The following RBFOX1 variants were observed in gnomAD, a reference collection of about 807,000 sequenced individuals.
RBFOX1 encodes RNA binding fox-1 homolog 1, also known as RNA binding protein fox-1 homolog 1.
In RBFOX1, 8 loss-of-function variants were observed where a neutral mutation model predicts 57.7. The ratio of observed to expected loss-of-function variants is 0.14; its 90% CI spans 0.08 to 0.25. RBFOX1 has a LOEUF of 0.25. Ranked by LOEUF, RBFOX1 falls within the 10% of genes least tolerant of loss-of-function variation. The pLI is 1.00. For synonymous variants in RBFOX1, 326 were observed against 222.4 expected (o/e 1.47, Z -4.15); for missense variants, 611 against 548.5 (o/e 1.11, Z -1.14).
chr16:5,773,629 C>T (rs926744350), intron 3 of RBFOX1, among the ~76,000 whole-genome samples: 3 of 152,174 alleles, frequency 2.0e-5, no homozygotes, highest in South Asian at 2.1e-4. Flanking sequence ...TTTTTATGCA[C>T]GTGAGCAAGA....
intron 2 of RBFOX1, among the ~76,000 whole-genome samples, chr16:6,399,825 A>T (rs984022900): frequency 2.6e-5 from 4 of 152,230 alleles, no homozygotes; most frequent in Non-Finnish European, 5.9e-5. Context: ...AGGCCTCAGG[A>T]AAGTTACAGT....
chr16:5,819,872 A>C (rs929474814), intron 3 of RBFOX1, among the ~76,000 whole-genome samples: 2 of 152,220 alleles, frequency 1.3e-5, no homozygotes, highest in Admixed American at 1.3e-4. Flanking sequence ...TTGTACCTCA[A>C]GTGCCCTGTC....
At chr16:7,573,051 A>G (rs1301285163) in intron 5 of RBFOX1, among the ~76,000 whole-genome samples, 1 of 152,174 alleles carries the variant, frequency 6.6e-6, no homozygotes, top group African/African-American at 2.4e-5. Context: ...TATGCTGTGA[A>G]GAAATCAGTG....
chr16:7,521,075 G>C (rs777252361), intron 5 of RBFOX1, among the ~76,000 whole-genome samples: 71 of 141,562 alleles, frequency 5.0e-4, no homozygotes, highest in Non-Finnish European at 9.2e-4. Context: ...AATTAAAAAA[G>C]AACAGAGGTG....
intron 2 of RBFOX1, among the ~76,000 whole-genome samples, chr16:6,356,850 G>T (rs573401695): frequency 6.6e-6 from 1 of 152,294 alleles, no homozygotes; most frequent in East Asian, 1.9e-4. Flanking sequence ...GAAAGTGAGT[G>T]TGGATATGTG....
chr16:7,311,916 G>C (rs575650149), intron 4 of RBFOX1, among the ~76,000 whole-genome samples: 1 of 152,326 alleles, frequency 6.6e-6, no homozygotes, highest in African/African-American at 2.4e-5. Flanking sequence ...CAGCTGAATT[G>C]AGCAAGATAG....
intron 9 of RBFOX1, among the ~76,000 whole-genome samples, chr16:7,601,999 C>A (rs960766752): frequency 3.9e-5 from 6 of 152,126 alleles, no homozygotes; most frequent in Non-Finnish European, 8.8e-5. Flanking sequence ...CTCTGACATC[C>A]TTAGTATATG....
chr16:7,547,308 T>C (rs1443108937), intron 5 of RBFOX1, among the ~76,000 whole-genome samples: 6 of 152,226 alleles, frequency 3.9e-5, no homozygotes, highest in African/African-American at 1.4e-4. Context: ...TGTGATGACT[T>C]ACAAAGTCTG....
chr16:6,868,012 C>G (rs2060234205), intron 3 of RBFOX1, among the ~76,000 whole-genome samples: 1 of 152,132 alleles, frequency 6.6e-6, no homozygotes, highest in Non-Finnish European at 1.5e-5. Context: ...GCTGAAACTA[C>G]TATACTTCAG....
At chr16:6,223,175 C>A (rs1454003546) in intron 1 of RBFOX1, among the ~76,000 whole-genome samples, 1 of 150,562 alleles carries the variant, frequency 6.6e-6, no homozygotes, top group Non-Finnish European at 1.5e-5. Context: ...GTGCATGTGT[C>A]TTTATAGCAG....
chr16:6,603,004 AAG>A (rs2097873889), intron 2 of RBFOX1, among the ~76,000 whole-genome samples: 1 of 152,220 alleles, frequency 6.6e-6, no homozygotes, highest in African/African-American at 2.4e-5. Flanking sequence ...CCCAAGGAAA[AAG>A]AAGTTTCCCA....
intron 2 of RBFOX1, among the ~76,000 whole-genome samples, chr16:6,372,825 G>A (rs1338527450): frequency 4.6e-5 from 7 of 150,824 alleles, no homozygotes; most frequent in African/African-American, 1.7e-4. Context: ...AACTGGATGG[G>A]AGGATGGTTG....
At chr16:6,115,791 T>C (rs2096490848) in intron 1 of RBFOX1, among the ~76,000 whole-genome samples, 1 of 152,188 alleles carries the variant, frequency 6.6e-6, no homozygotes, top group African/African-American at 2.4e-5. Flanking sequence ...ATCCCTGGTC[T>C]ACATTACATA....
chr16:5,382,396 T>C (rs1338279745), intron 1 of RBFOX1, among the ~76,000 whole-genome samples: 1 of 152,226 alleles, frequency 6.6e-6, no homozygotes, highest in Non-Finnish European at 1.5e-5. Context: ...TTTCATCTTT[T>C]TTTTTTTTCA....
At chr16:6,025,291 A>T (rs2095168049) in intron 1 of RBFOX1, among the ~76,000 whole-genome samples, 1 of 152,212 alleles carries the variant, frequency 6.6e-6, no homozygotes, top group African/African-American at 2.4e-5. Flanking sequence ...TGAGAAATTA[A>T]ACTCGATTCC....
intron 3 of RBFOX1, among the ~76,000 whole-genome samples, chr16:6,843,273 C>G (rs1018817595): frequency 2.0e-5 from 3 of 151,746 alleles, no homozygotes; most frequent in African/African-American, 7.3e-5. Flanking sequence ...TCAAGTTAGC[C>G]AAGGAAGGAT....
At chr16:7,092,540 A>C (rs554761555) in intron 4 of RBFOX1, among the ~76,000 whole-genome samples, 1 of 152,286 alleles carries the variant, frequency 6.6e-6, no homozygotes, top group Non-Finnish European at 1.5e-5. Flanking sequence ...TTATTTAACC[A>C]ATTCTTTGAT....
At chr16:5,602,819 A>G (rs888832633), downstream of RBFOX1, among the ~76,000 whole-genome samples, 19 of 152,182 alleles carry the variant, frequency 1.2e-4, no homozygotes, top group Admixed American at 1.0e-3. Flanking sequence ...TGTAGTTGTA[A>G]TAATAGTACT....
At chr16:7,644,625 C>G (rs1369312978) in intron 11 of RBFOX1, among the ~76,000 whole-genome samples, 1 of 152,198 alleles carries the variant, frequency 6.6e-6, no homozygotes, top group Non-Finnish European at 1.5e-5. Context: ...ACACCGTAGT[C>G]AATACACATA....
Sources: allele counts gnomAD v4.1 joint callset (sites outside exome capture counted in the v4.1 genomes callset), GRCh38; gene constraint gnomAD v4.1.1; transcripts MANE v1.5; gene names NCBI Gene and HGNC (gene_info 2026-07-23, HGNC 2026-07-21).